Variants in TRAM2 observed in about 807,000 individuals in gnomAD.
TRAM2 encodes the protein translocating chain-associated membrane protein 2.
In TRAM2, 12 loss-of-function variants were observed where a neutral mutation model predicts 51.0. That is an observed-to-expected ratio of 0.24 (90% confidence interval 0.15 to 0.38). TRAM2 has a LOEUF of 0.38. TRAM2 is among the 10% of genes least tolerant of loss of function. The probability of loss-of-function intolerance (pLI) is 1.00; values close to 1 mark genes in which losing one functional copy is unlikely to be tolerated. For missense variants in TRAM2, 361 were observed against 462.0 expected, an observed-to-expected ratio of 0.78 and a Z score of 2.00; for synonymous variants, 175 against 179.4, an observed-to-expected ratio of 0.98 and a Z score of 0.20.
chr6:52,526,152 GACACACACACACACACACACACACAC>G (rs775593303), intron 2 of TRAM2, among the ~76,000 whole-genome samples: 18 of 28,874 alleles, frequency 6.2e-4, no homozygotes, highest in South Asian at 1.9e-3. Flanking sequence ...CACACAGACA[GACACACACACACACACACACACACAC>G]ACACACACAC....
chr6:52,523,062 CTTT>C (rs1230258350), intron 2 of TRAM2: 1 of 540,422 alleles, frequency 1.9e-6, no homozygotes, highest in African/African-American at 1.9e-5. Flanking sequence ...GAAGCTTCTT[CTTT>C]TGTCTGAAAG....
intron 1 of TRAM2, among the ~76,000 whole-genome samples, chr6:52,552,688 G>A (rs1354330502): frequency 1.3e-5 from 2 of 152,174 alleles, no homozygotes. Flanking sequence ...GGAAATCTCT[G>A]CTGTAGCAGC....
chr6:52,566,510 G>T lies in TRAM2; in HGVS notation c.120+10286C>A, dbSNP rs139156445. ...TCATCTCATCCCCTAAACCACTCTA[G>T]TAGTCTCCAGAGCAACCTCATCACA... On this transcript the variant is annotated intron_variant, in intron 1 of 10. Coordinates refer to ENST00000182527, the MANE Select transcript of TRAM2 (RefSeq NM_012288.4). Among the ~76,000 whole-genome samples the T allele has an allele frequency of 6.7e-3, 1,024 of 152,096 alleles. 6 individuals carry two copies. Among genetic ancestry groups the T allele is most frequent in the Middle Eastern group, 0.02 (6 of 294 alleles).
At chr6:52,564,188 C>G (rs1767551954) in intron 1 of TRAM2, among the ~76,000 whole-genome samples, 1 of 152,102 alleles carries the variant, frequency 6.6e-6, no homozygotes, top group African/African-American at 2.4e-5. Flanking sequence ...TGTGAAACAC[C>G]TCTTTCCTTG....
chr6:52,543,089 G>C (rs1273494047), intron 1 of TRAM2, among the ~76,000 whole-genome samples: 1 of 152,146 alleles, frequency 6.6e-6, no homozygotes, highest in African/African-American at 2.4e-5. Context: ...GTGCTTTATA[G>C]ATAGCCTTAT....
At chr6:52,509,618 GAT>G in intron 4 of TRAM2, 32 bp from the exon 5 acceptor site, 2 of 1,611,762 alleles carry the variant, frequency 1.2e-6, no homozygotes, top group Non-Finnish European at 1.7e-6. Flanking sequence ...ACCATTTAGA[GAT>G]GTGGACGTGA....
At chr6:52,523,453 A>T (rs1446985616) in intron 2 of TRAM2, 2 of 152,560 alleles carry the variant, frequency 1.3e-5, no homozygotes, top group Non-Finnish European at 1.5e-5. Flanking sequence ...TTATACATTT[A>T]AAAAAATGCT....
intron 1 of TRAM2, among the ~76,000 whole-genome samples, chr6:52,538,466 C>T (rs899131853): frequency 1.1e-4 from 17 of 152,172 alleles, no homozygotes; most frequent in African/African-American, 4.1e-4. Context: ...GACACCCTGC[C>T]CTGGGCTCTG....
chr6:52,534,084 CAA>C (rs34466348), intron 2 of TRAM2, among the ~76,000 whole-genome samples: 131 of 132,260 alleles, frequency 9.9e-4, no homozygotes, highest in Admixed American at 1.3e-3. Flanking sequence ...AAACTCCGTC[CAA>C]AAAAAAAAAA....
chr6:52,511,166 C>T (rs1445292865), intron 4 of TRAM2, among the ~76,000 whole-genome samples: 2 of 152,180 alleles, frequency 1.3e-5, no homozygotes, highest in Non-Finnish European at 2.9e-5. Context: ...TGCAATGGCA[C>T]GATCTCAGCT....
intron 1 of TRAM2, among the ~76,000 whole-genome samples, chr6:52,572,622 G>A (rs1420562608): frequency 6.6e-6 from 1 of 152,174 alleles, no homozygotes; most frequent in African/African-American, 2.4e-5. Context: ...CGTGTCCACA[G>A]ATGTATTATG....
intron 4 of TRAM2, among the ~76,000 whole-genome samples, chr6:52,512,206 C>T (rs899966293): frequency 3.3e-5 from 5 of 152,182 alleles, no homozygotes; most frequent in African/African-American, 7.2e-5. Flanking sequence ...CCAAGAAAAG[C>T]AGCACTGAGA....
intron 4 of TRAM2, 100 bp downstream of exon 4, chr6:52,515,906 G>GAGCAA: frequency 1.0e-6 from 1 of 1,003,988 alleles, no homozygotes; most frequent in Non-Finnish European, 1.5e-6. Context: ...AAAAGAAAAA[G>GAGCAA]AGCAAGGGGT....
chr6:52,506,140 G>A lies in TRAM2; in HGVS notation c.627-4C>T. 1.9e-6 allele frequency: 3 copies of A among 1,613,180 alleles called. No individual in the cohort carries two copies. The highest frequency in any genetic ancestry group is 2.2e-5 in the East Asian group (1 of 44,870). ...GATCAGGCCCAGGCGGCTCAGGCTG[G>A]GGGTGGGGAAGACTAGACTTACATT... On this transcript the variant is annotated splice_region_variant and splice_polypyrimidine_tract_variant and intron_variant, in intron 7 of 10. Transcript: ENST00000182527.
rs765079698 is a variant in TRAM2, at chr6:52,535,792, G to C, written c.175C>G (p.Pro59Ala). The C allele has an allele frequency of 6.2e-7, 1 of 1,613,592 alleles. No individual in the cohort carries two copies. Among genetic ancestry groups the C allele is most frequent in the Non-Finnish European group, 8.5e-7 (1 of 1,179,676 alleles). The part of the protein sequence containing the change: ...FILPQYNISV[P>A]TADSETVHYH... ...GACCAGTGATTCTTACCTGCTGTAG[G>C]CACGCTAATGTTATACTGAGGTAAA... Residue 59 changes from proline (P) to alanine (A), a missense_variant, in exon 2 of 11, where the codon CCT becomes GCT. Physicochemically the swap from Pro to Ala is conservative, Grantham distance 27 (BLOSUM62 -1). Transcript: ENST00000182527.
At chr6:52,518,433 T>C (rs2064438) in intron 2 of TRAM2, among the ~76,000 whole-genome samples, 134,371 of 152,266 alleles carry the variant, frequency 0.88, 59,316 homozygotes, top group East Asian at 0.96. Context: ...GTGGAAATAT[T>C]GAAGAATTCA....
At chr6:52,509,661 G>T in intron 4 of TRAM2, 75 bp from the exon 5 acceptor site, 1 of 1,335,064 alleles carries the variant, frequency 7.5e-7, no homozygotes, top group Non-Finnish European at 1.1e-6. Flanking sequence ...CCGGTCCAGG[G>T]GTCAGGGATG....
chr6:52,557,864 T>A (rs1186817027), intron 1 of TRAM2, among the ~76,000 whole-genome samples: 2 of 152,274 alleles, frequency 1.3e-5, no homozygotes, highest in Non-Finnish European at 2.9e-5. Context: ...ATACCCCTAA[T>A]CTGGGACTTC....
chr6:52,576,756 G>A (rs768182515), intron 1 of TRAM2, 40 bp downstream of exon 1: 2 of 1,603,920 alleles, frequency 1.2e-6, no homozygotes, highest in Non-Finnish European at 8.5e-7. Context: ...GCACGACAGG[G>A]GGCACTGTCC....
Sources: gnomAD v4.1 joint callset for allele counts (sites outside exome capture counted in the v4.1 genomes callset) on GRCh38, gnomAD v4.1.1 for gene constraint, MANE v1.5 for transcripts, NCBI Gene and HGNC (gene_info 2026-07-23, HGNC 2026-07-21) for gene names.